The following ZNF236 variants were observed in gnomAD, a reference collection of about 807,000 sequenced individuals.
ZNF236 encodes regulated by glucose.
ZNF236 carries 50 observed loss-of-function variants against 191.2 expected under a neutral mutation model. The observed-to-expected ratio is 0.26, with a 90% CI of 0.21 to 0.33. The LOEUF (loss-of-function observed/expected upper bound fraction) is 0.33, where lower values mean the gene tolerates loss of function less well. ZNF236 is among the 10% of genes least tolerant of loss of function. ZNF236 has a pLI of 1.00. For missense variants in ZNF236, 1,754 were observed against 2,374.5 expected (o/e 0.74, Z 5.43); for synonymous variants, 907 against 928.8 (o/e 0.98, Z 0.43).
At chr18:76,906,848 A>G (rs1977756913) in intron 13 of ZNF236, among the ~76,000 whole-genome samples, 1 of 152,230 alleles carries the variant, frequency 6.6e-6, no homozygotes, top group Non-Finnish European at 1.5e-5. Context: ...GAATCTGCCT[A>G]CAAGGAGAGC....
intron 3 of ZNF236, among the ~76,000 whole-genome samples, chr18:76,865,400 A>G (rs1197686751): frequency 6.6e-6 from 1 of 152,178 alleles, no homozygotes; most frequent in Admixed American, 6.5e-5. Flanking sequence ...CATTGTCTCC[A>G]AGAAACTTAC....
At chr18:76,937,961 T>C (rs1379446586) in intron 26 of ZNF236, among the ~76,000 whole-genome samples, 1 of 152,238 alleles carries the variant, frequency 6.6e-6, no homozygotes, top group Non-Finnish European at 1.5e-5. Flanking sequence ...ATTTTGATAG[T>C]TGAAGACTAA....
intron 1 of ZNF236, among the ~76,000 whole-genome samples, chr18:76,844,251 A>G (rs1975611062): frequency 6.6e-6 from 1 of 151,986 alleles, no homozygotes; most frequent in Admixed American, 6.6e-5. Context: ...AAAAAAAAAA[A>G]AAAGGAAAAG....
chr18:76,901,615 G>A (rs1185021956), intron 11 of ZNF236, among the ~76,000 whole-genome samples: 14 of 152,142 alleles, frequency 9.2e-5, no homozygotes, highest in African/African-American at 2.6e-4. Flanking sequence ...TAAATTAGCC[G>A]GGCGTGGTGG....
At chr18:76,942,908 G>A (rs1968167114) in intron 26 of ZNF236, among the ~76,000 whole-genome samples, 1 of 149,610 alleles carries the variant, frequency 6.7e-6, no homozygotes, top group Admixed American at 6.6e-5. Flanking sequence ...CGGATCACGA[G>A]GTCAGGAGAT....
chr18:76,870,579 C>T (rs1486129318), intron 4 of ZNF236, among the ~76,000 whole-genome samples: 1 of 152,128 alleles, frequency 6.6e-6, no homozygotes, highest in Non-Finnish European at 1.5e-5. Context: ...TAGTCGGTAC[C>T]ACAGTTTCAG....
chr18:76,886,888 G>A (rs1599365084), intron 9 of ZNF236: 1 of 196,368 alleles, frequency 5.1e-6, no homozygotes, highest in Admixed American at 4.5e-5. Context: ...CGCAGCGTCA[G>A]TGCCATCCTT....
At chr18:76,936,004 T>TG in intron 25 of ZNF236, 1 of 457,190 alleles carries the variant, frequency 2.2e-6, no homozygotes, top group Non-Finnish European at 4.4e-6. Context: ...CAGCACAGTG[T>TG]GGGACCCCAG....
At chr18:76,899,928 G>GT (rs1235899852) in intron 11 of ZNF236, among the ~76,000 whole-genome samples, 1 of 152,206 alleles carries the variant, frequency 6.6e-6, no homozygotes, top group African/African-American at 2.4e-5. Flanking sequence ...GGCAGATTGA[G>GT]TGTCTAGTGA....
In ZNF236 at chr18:76,968,502, GAA is replaced by G; in HGVS notation, c.*171_*172del. On this transcript the variant is annotated 3_prime_UTR_variant, in exon 31 of 31. Transcript: ENST00000320610. ...ATCATTGTCTTTCAGAGACTCATAGGAAAAAAAAACTAGGAAAAGTGTCACCG... is the reference window on the plus strand; with the variant it reads ...ATCATTGTCTTTCAGAGACTCATAGGAAAAAAACTAGGAAAAGTGTCACCG... 5 of 1,307,690 alleles carry G rather than the reference GAA, an allele frequency of 3.8e-6. No homozygotes were observed. The highest frequency in any genetic ancestry group is 3.9e-6 in the Non-Finnish European group (4 of 1,018,174). The allele number at this position is 1,307,690 out of a possible 1,614,324, so 81.0% of individuals were successfully genotyped here.
chr18:76,828,394 C>T (rs891671166), intron 1 of ZNF236, among the ~76,000 whole-genome samples: 2 of 152,074 alleles, frequency 1.3e-5, no homozygotes, highest in Non-Finnish European at 2.9e-5. Flanking sequence ...TCTTGAACTT[C>T]TGACCTCAGG....
intron 26 of ZNF236, among the ~76,000 whole-genome samples, chr18:76,942,896 G>A (rs1375512169): frequency 1.3e-5 from 2 of 149,530 alleles, no homozygotes; most frequent in Non-Finnish European, 3.0e-5. Flanking sequence ...GGCCGAGGCG[G>A]GCGGATCACG....
chr18:76,919,768 T>C lies in ZNF236; in HGVS notation c.3275-8T>C, dbSNP rs571983169. 2 of 1,608,190 alleles carry C rather than the reference T, an allele frequency of 1.2e-6. No homozygotes were observed. The highest frequency in any genetic ancestry group is 1.7e-6 in the Non-Finnish European group (2 of 1,174,928). On this transcript the variant is annotated splice_region_variant and splice_polypyrimidine_tract_variant and intron_variant, in intron 19 of 30. Coordinates refer to ENST00000320610, the MANE Select transcript of ZNF236 (RefSeq NM_001306089.2). The surrounding 1 kb of genome is among the most constrained non-coding windows in gnomAD (Gnocchi z 5.3). Reference sequence around the variant, plus strand: ...CGATTTTGATCCCTTTTCCTTGATTTTGTGTAGACATTTGTATGGAGGAAG... The same window carrying C: ...CGATTTTGATCCCTTTTCCTTGATTCTGTGTAGACATTTGTATGGAGGAAG...
At chr18:76,964,603 C>T (rs1483277450) in intron 30 of ZNF236, among the ~76,000 whole-genome samples, 7 of 152,080 alleles carry the variant, frequency 4.6e-5, no homozygotes, top group Admixed American at 1.3e-4. Flanking sequence ...AGTTTAAATC[C>T]ATTTTTTCTT....
chr18:76,905,545 G>GAACAA (rs1977716696), intron 13 of ZNF236, 130 bp downstream of exon 13: 1 of 59,266 alleles, frequency 1.7e-5, no homozygotes, highest in Non-Finnish European at 4.1e-5. Flanking sequence ...ATGGGCTCAA[G>GAACAA]AAAAAAAAAA....
chr18:76,867,692 A>G (rs1360176690), intron 3 of ZNF236, among the ~76,000 whole-genome samples: 2 of 152,234 alleles, frequency 1.3e-5, no homozygotes, highest in African/African-American at 2.4e-5. Flanking sequence ...ATTTGTACTA[A>G]GTCAGCAATG....
At chr18:76,946,777 A>C (rs2122914871) in intron 26 of ZNF236, among the ~76,000 whole-genome samples, 1 of 152,336 alleles carries the variant, frequency 6.6e-6, no homozygotes, top group Admixed American at 6.5e-5. Context: ...TGGGCTGGTA[A>C]GAAGACTTAC....
intron 9 of ZNF236, chr18:76,886,916 T>A: frequency 4.9e-6 from 1 of 202,924 alleles, no homozygotes; most frequent in Admixed American, 4.3e-5. Context: ...CAGCTTCTAG[T>A]GCCTCTTGAG....
intron 3 of ZNF236, among the ~76,000 whole-genome samples, chr18:76,859,243 C>T (rs1330751438): frequency 7.0e-6 from 1 of 143,634 alleles, no homozygotes; most frequent in Non-Finnish European, 1.5e-5. Context: ...GGAGAGGGCT[C>T]AGGTGGAGGC....
Sources: gnomAD v4.1 joint callset for allele counts (sites outside exome capture counted in the v4.1 genomes callset) on GRCh38, gnomAD v4.1.1 for gene constraint, Gnocchi (gnomAD v3.1) non-coding constraint, MANE v1.5 for transcripts, NCBI Gene and HGNC (gene_info 2026-07-23, HGNC 2026-07-21) for gene names.